The following LDLRAD4 variants were observed in gnomAD, a reference collection of about 807,000 sequenced individuals.
LDLRAD4 encodes the protein low-density lipoprotein receptor class A domain-containing protein 4.
In LDLRAD4, 5 loss-of-function variants were observed where a neutral mutation model predicts 17.0. The observed-to-expected ratio is 0.29, with a 90% confidence interval of 0.15 to 0.62. The LOEUF (loss-of-function observed/expected upper bound fraction) is 0.62. Ranked by LOEUF, LDLRAD4 falls within the 20% of genes least tolerant of loss-of-function variation. LDLRAD4 has a pLI of 0.84. For missense variants in LDLRAD4, 340 were observed against 424.7 expected (o/e 0.80, Z 1.75); for synonymous variants, 168 against 171.8 (o/e 0.98, Z 0.17).
chr18:13,504,533 T>C (rs568403097), intron 3 of LDLRAD4, among the ~76,000 whole-genome samples: 1 of 152,326 alleles, frequency 6.6e-6, no homozygotes, highest in African/African-American at 2.4e-5. Context: ...GTTCAAGCGA[T>C]TCTCCTGCCT....
At chr18:13,380,729 G>A (rs2085293002) in intron 1 of LDLRAD4, among the ~76,000 whole-genome samples, 1 of 152,168 alleles carries the variant, frequency 6.6e-6, no homozygotes, top group Non-Finnish European at 1.5e-5. Context: ...CCTGTTTGCA[G>A]CCTGTGTGTG....
chr18:13,305,747 G>T (rs1237984183), intron 1 of LDLRAD4, among the ~76,000 whole-genome samples: 1 of 152,192 alleles, frequency 6.6e-6, no homozygotes, highest in East Asian at 1.9e-4. Flanking sequence ...CTGGAAAAAA[G>T]AAAAGGAAAT....
intron 1 of LDLRAD4, among the ~76,000 whole-genome samples, chr18:13,386,307 C>G (rs2085792070): frequency 6.6e-6 from 1 of 151,958 alleles, no homozygotes; most frequent in Non-Finnish European, 1.5e-5. Context: ...GTTAATATTG[C>G]TTTATGTTTA....
At position 13,640,100 on chromosome 18, in the gene LDLRAD4, T is replaced by C. The variant is rs529378522; in HGVS notation, c.337-3259T>C. Among the ~76,000 whole-genome samples, 355 of 151,924 alleles carry C rather than the reference T, an allele frequency of 2.3e-3. 2 individuals carry two copies. Among genetic ancestry groups the C allele is most frequent in the Non-Finnish European group, 2.2e-3 (147 of 67,968 alleles). On this transcript the variant is annotated intron_variant, in intron 4 of 5. Transcript: ENST00000359446. ...AGGAGATCGAGAGGATCCTGGCTAA[T>C]ATGGTGAAACCGCGTCTCTACTAAC...
chr18:13,426,332 A>G (rs1256584913), intron 2 of LDLRAD4, among the ~76,000 whole-genome samples: 1 of 152,244 alleles, frequency 6.6e-6, no homozygotes, highest in African/African-American at 2.4e-5. Context: ...ACTATAAAGA[A>G]GTTCTTTATG....
intron 1 of LDLRAD4, among the ~76,000 whole-genome samples, chr18:13,365,114 C>T (rs1295717699): frequency 1.3e-5 from 2 of 152,204 alleles, no homozygotes; most frequent in Non-Finnish European, 1.5e-5. Context: ...AGCTAGGAGT[C>T]ATCAGAAATG....
chr18:13,233,889 C>T (rs1490118236), intron 1 of LDLRAD4, among the ~76,000 whole-genome samples: 1 of 152,148 alleles, frequency 6.6e-6, no homozygotes, highest in Non-Finnish European at 1.5e-5. Context: ...GCTGCTCCTC[C>T]CTGCCCCTCA....
chr18:13,372,097 A>C (rs2084560860), intron 1 of LDLRAD4, among the ~76,000 whole-genome samples: 1 of 152,338 alleles, frequency 6.6e-6, no homozygotes, highest in South Asian at 2.1e-4. Context: ...TCAAATGTAA[A>C]AGGTTAGTTT....
At chr18:13,448,858 G>A (rs952714625) in intron 3 of LDLRAD4, among the ~76,000 whole-genome samples, 5 of 152,192 alleles carry the variant, frequency 3.3e-5, no homozygotes, top group African/African-American at 7.2e-5. Context: ...CATGAGATAC[G>A]TCGTGGACTG....
At chr18:13,482,776 C>T (rs1292783956) in intron 3 of LDLRAD4, among the ~76,000 whole-genome samples, 1 of 152,226 alleles carries the variant, frequency 6.6e-6, no homozygotes, top group South Asian at 2.1e-4. Flanking sequence ...TGGAAGTGCA[C>T]TGTGAACAAA....
chr18:13,527,110 G>T (rs930546726), intron 3 of LDLRAD4, among the ~76,000 whole-genome samples: 5 of 152,266 alleles, frequency 3.3e-5, no homozygotes, highest in Non-Finnish European at 5.9e-5. Flanking sequence ...TCATGTCCTG[G>T]TGCAGGTTCC....
chr18:13,222,125 T>C (rs1196494018), intron 1 of LDLRAD4, among the ~76,000 whole-genome samples: 2 of 152,124 alleles, frequency 1.3e-5, no homozygotes, highest in Non-Finnish European at 2.9e-5. Context: ...TTTTAATGAC[T>C]GTACTTTTGT....
chr18:13,328,607 C>G (rs1000661011), intron 1 of LDLRAD4, among the ~76,000 whole-genome samples: 1 of 152,174 alleles, frequency 6.6e-6, no homozygotes, highest in South Asian at 2.1e-4. Flanking sequence ...AAGGAAGGAT[C>G]TTAGTGTTTA....
intron 1 of LDLRAD4, among the ~76,000 whole-genome samples, chr18:13,291,503 G>C (rs1448736904): frequency 6.6e-6 from 1 of 152,174 alleles, no homozygotes; most frequent in African/African-American, 2.4e-5. Context: ...AGAACGTGTA[G>C]CTTGAGCTGC....
intron 2 of LDLRAD4, chr18:13,420,364 A>G (rs1048154652): frequency 3.3e-5 from 5 of 152,270 alleles, no homozygotes; most frequent in Non-Finnish European, 7.3e-5. Context: ...AAGATAAGCA[A>G]CAAGGGTGAG....
At chr18:13,592,752 T>TA (rs1163323194) in intron 3 of LDLRAD4, among the ~76,000 whole-genome samples, 1 of 152,090 alleles carries the variant, frequency 6.6e-6, no homozygotes, top group African/African-American at 2.4e-5. Context: ...AAACCCAAGA[T>TA]AAAAAAATAT....
intron 2 of LDLRAD4, among the ~76,000 whole-genome samples, chr18:13,426,903 A>C (rs935072780): frequency 3.3e-5 from 5 of 152,184 alleles, no homozygotes; most frequent in Non-Finnish European, 5.9e-5. Context: ...CTCAGAAGGA[A>C]GGCCAGGTGC....
chr18:13,231,954 A>G lies in LDLRAD4; in HGVS notation c.-467+12966A>G, dbSNP rs188570660. ...AAACCACATGGCAGGCTGTTTTCTG[A>G]AGGTCATTGGTCCCAGGGATGGCAG... On this transcript the variant is annotated intron_variant, in intron 1 of 5. Coordinates refer to the LDLRAD4 transcript ENST00000399848. 1.6e-4 allele frequency among the ~76,000 whole-genome samples: 25 copies of G among 152,338 alleles called. No homozygotes were observed. In the East Asian group the frequency reaches 4.6e-3, roughly 28 times the overall value.
At chr18:13,556,872 C>T (rs1334614296) in intron 3 of LDLRAD4, among the ~76,000 whole-genome samples, 1 of 152,126 alleles carries the variant, frequency 6.6e-6, no homozygotes, top group African/African-American at 2.4e-5. Context: ...TTGCTCTTTT[C>T]CCCCGTCTAA....
Sources: allele counts gnomAD v4.1 joint callset (sites outside exome capture counted in the v4.1 genomes callset), GRCh38; gene constraint gnomAD v4.1.1; transcripts MANE v1.5; gene names NCBI Gene and HGNC (gene_info 2026-07-23, HGNC 2026-07-21).